MTMR1: variants seen among roughly 807,000 people sequenced by gnomAD.
MTMR1 encodes myotubularin related protein 1, also known as phosphatidylinositol-3-phosphate phosphatase MTMR1.
In MTMR1, 17 loss-of-function variants were observed where a neutral mutation model predicts 51.6. The ratio of observed to expected loss-of-function variants is 0.33; its 90% CI spans 0.23 to 0.49. MTMR1 has a LOEUF of 0.49. Among genes scored for constraint, MTMR1 ranks in the 20% least tolerant of loss-of-function variants. The pLI is 0.99. For synonymous variants in MTMR1, 201 were observed against 205.6 expected, an observed-to-expected ratio of 0.98 and a Z score of 0.19; for missense variants, 386 against 526.9, an observed-to-expected ratio of 0.73 and a Z score of 2.62.
intron 10 of MTMR1, chrX:150,735,529 T>A: frequency 4.1e-6 from 2 of 492,065 alleles, no homozygotes; most frequent in Non-Finnish European, 7.2e-6. Context: ...TCTTCTAGTT[T>A]TTGGATGACC....
At chrX:150,740,076 T>A (rs900490613) in intron 12 of MTMR1, among the ~76,000 whole-genome samples, 2 of 111,298 alleles carry the variant, frequency 1.8e-5, no homozygotes, top group East Asian at 5.7e-4. Context: ...CCTAGATCAT[T>A]CCCATTGGTG....
chrX:150,755,025 C>CAAA lies in MTMR1; in HGVS notation c.1681-647_1681-645dup, dbSNP rs34113407. ...TGGGTGACAGAGTGAGACTCCATCTCAAAAAAAAAAAAAAAAAAAGGAGTC... is the reference window on the plus strand; with the variant it reads ...TGGGTGACAGAGTGAGACTCCATCTCAAAAAAAAAAAAAAAAAAAAAAGGAGTC... On this transcript the variant is annotated intron_variant, in intron 14 of 15. Coordinates refer to ENST00000445323, the MANE Select transcript of MTMR1 (RefSeq NM_001306144.3). 2.3e-3 allele frequency among the ~76,000 whole-genome samples: 129 copies of CAAA among 55,109 alleles called. 1 individual carries two copies. The highest frequency in any genetic ancestry group is 3.6e-3 in the Non-Finnish European group (108 of 30,149). The allele number at this position is 55,109 out of a possible 115,157, so 47.9% of individuals were successfully genotyped here.
intron 10 of MTMR1, chrX:150,736,308 A>C: frequency 4.3e-6 from 1 of 230,387 alleles, no homozygotes; most frequent in Non-Finnish European, 7.9e-6. Context: ...AACCTGGGGC[A>C]GCCAAGGAAG....
intron 14 of MTMR1, among the ~76,000 whole-genome samples, chrX:150,753,632 C>T (rs1351600946): frequency 8.9e-6 from 1 of 112,438 alleles, no homozygotes; most frequent in African/African-American, 3.2e-5. Context: ...AATGTGTATT[C>T]AGCTCCTTAG....
chrX:150,751,099 C>A, intron 14 of MTMR1: 1 of 1,085,609 alleles, frequency 9.2e-7, no homozygotes. Context: ...CCCTGGACCT[C>A]CTGACTCCGA....
chrX:150,738,807 A>G (rs2042348579), intron 12 of MTMR1, among the ~76,000 whole-genome samples: 1 of 111,946 alleles, frequency 8.9e-6, no homozygotes, highest in Non-Finnish European at 1.9e-5. Context: ...CCGAATGTTC[A>G]GGCCTCAATT....
intron 3 of MTMR1, among the ~76,000 whole-genome samples, chrX:150,716,923 T>A (rs1295168965): frequency 8.9e-6 from 1 of 112,349 alleles, no homozygotes; most frequent in African/African-American, 3.2e-5. Flanking sequence ...TTATTCGACC[T>A]ATTTTCCACT....
intron 2 of MTMR1, among the ~76,000 whole-genome samples, chrX:150,707,884 TACTC>T (rs1211893159): frequency 8.9e-6 from 1 of 112,414 alleles, no homozygotes; most frequent in Non-Finnish European, 1.9e-5. Flanking sequence ...TGGACTATAT[TACTC>T]AACAATAAAA....
intron 13 of MTMR1, 94 bp downstream of exon 13, chrX:150,744,547 T>G: frequency 1.5e-6 from 1 of 689,213 alleles, no homozygotes; most frequent in East Asian, 3.6e-5. Context: ...GATGAATTTG[T>G]GTAAAATATG....
intron 14 of MTMR1, among the ~76,000 whole-genome samples, chrX:150,752,090 G>A (rs1418118150): frequency 9.2e-6 from 1 of 109,228 alleles, no homozygotes; most frequent in African/African-American, 3.3e-5. Context: ...CTAATTTTTT[G>A]TATGTTTAGT....
rs781978263 is a variant in MTMR1, at chrX:150,762,597, G to A, written c.1890G>A (p.Leu630=). 9 of 1,210,780 alleles carry A rather than the reference G, an allele frequency of 7.4e-6. No individual in the cohort carries two copies. In the African/African-American group the frequency reaches 1.4e-4, roughly 19 times the overall value. The stretch of plus-strand genomic sequence containing the variant: ...TTCACCAGAATCTCAAGGAGCTGCT[G>A]GCCGTCAGGGCGGAGCTGCAGAAGC... The part of the protein sequence containing the change: ...MPIHQNLKEL[L]AVRAELQKRV... The change falls in exon 16 of 16, where the codon CTG becomes CTA. Residue 630 remains leucine (L), a synonymous_variant. Coordinates refer to ENST00000445323, the MANE Select transcript of MTMR1 (RefSeq NM_001306144.3).
rs1393946063 is a variant in MTMR1 at position 150,764,048 on chromosome X, C to CA, written c.*1320dup. The CA allele has an allele frequency of 9.0e-6, 1 of 111,271 alleles. No homozygotes were observed. Among genetic ancestry groups the CA allele is most frequent in the African/African-American group, 3.3e-5 (1 of 30,750 alleles). 9.2% of individuals were successfully genotyped at this position (111,271 alleles called of 1,213,427 possible). Reference sequence around the variant, plus strand: ...GTGCCTGTTGCTGCAGCTGCCCCCCCACCCCGCCACTGGCTGCAGGAATTC... The same window carrying CA: ...GTGCCTGTTGCTGCAGCTGCCCCCCCAACCCCGCCACTGGCTGCAGGAATTC... On this transcript the variant is annotated 3_prime_UTR_variant, in exon 16 of 16. Transcript: ENST00000445323.
chrX:150,708,523 T>TA (rs1279172907), intron 2 of MTMR1, among the ~76,000 whole-genome samples: 1 of 111,555 alleles, frequency 9.0e-6, no homozygotes, highest in African/African-American at 3.3e-5. Context: ...AAAAATATAC[T>TA]AAAAAAGATG....
intron 15 of MTMR1, among the ~76,000 whole-genome samples, chrX:150,761,417 G>T (rs5925422): frequency 9.0e-6 from 1 of 111,496 alleles, no homozygotes; most frequent in Non-Finnish European, 1.9e-5. Flanking sequence ...CCCTCCAGGA[G>T]GGCTGATCAC....
chrX:150,742,816 CAAAA>C (rs1159891625), intron 12 of MTMR1, among the ~76,000 whole-genome samples: 1 of 21,745 alleles, frequency 4.6e-5, no homozygotes, highest in Non-Finnish European at 8.5e-5. Flanking sequence ...GACTCCATCT[CAAAA>C]AAAAAAAAAA....
intron 3 of MTMR1, chrX:150,712,741 T>TAAA: frequency 5.8e-6 from 1 of 173,871 alleles, no homozygotes; most frequent in Non-Finnish European, 1.1e-5. Flanking sequence ...ATTTAGCAAC[T>TAAA]AAAAAAAAAA....
chrX:150,708,793 C>T (rs2148570857), intron 2 of MTMR1, among the ~76,000 whole-genome samples: 1 of 111,304 alleles, frequency 9.0e-6, no homozygotes, highest in African/African-American at 3.3e-5. Context: ...TGATTTAACC[C>T]TGCCAACAAT....
chrX:150,717,453 A>AT (rs782335005), intron 3 of MTMR1, among the ~76,000 whole-genome samples: 21 of 105,598 alleles, frequency 2.0e-4, no homozygotes, highest in African/African-American at 6.6e-4. Flanking sequence ...TTATTTATTT[A>AT]TTTTTTAAGA....
chrX:150,705,925 C>A (rs782191532), intron 2 of MTMR1, among the ~76,000 whole-genome samples: 4 of 112,335 alleles, frequency 3.6e-5, no homozygotes, highest in South Asian at 7.4e-4. Flanking sequence ...AAACACAGTG[C>A]CATTGACATT....
Sources: gnomAD v4.1 joint callset for allele counts (sites outside exome capture counted in the v4.1 genomes callset) on GRCh38, gnomAD v4.1.1 for gene constraint, MANE v1.5 for transcripts, NCBI Gene and HGNC (gene_info 2026-07-23, HGNC 2026-07-21) for gene names.